Variants in FXYD6 observed in about 807,000 individuals in gnomAD.
The protein encoded by FXYD6 is FXYD domain containing ion transport regulator 6.
Under a neutral mutation model 16.7 loss-of-function variants are expected in FXYD6, and 7 were observed. That is an observed-to-expected ratio of 0.42 (90% confidence interval 0.24 to 0.79). The LOEUF (loss-of-function observed/expected upper bound fraction) is 0.79, where lower values mean the gene tolerates loss of function less well. Among genes scored for constraint, FXYD6 ranks in the 30% least tolerant of loss-of-function variants. FXYD6 has a pLI of 0.28. For missense variants in FXYD6, 111 were observed against 116.2 expected (o/e 0.95, Z 0.21); for synonymous variants, 49 against 43.0 (o/e 1.14, Z -0.54).
chr11:117,846,589 T>C (rs550947258), intron 1 of FXYD6, among the ~76,000 whole-genome samples: 1 of 152,326 alleles, frequency 6.6e-6, no homozygotes, highest in South Asian at 2.1e-4. Context: ...CCCGTAATGA[T>C]AACTTGTACT....
intron 3 of FXYD6, 52 bp from the exon 4 acceptor site, chr11:117,841,917 G>A: frequency 6.2e-7 from 1 of 1,613,882 alleles, no homozygotes; most frequent in African/African-American, 1.3e-5. Context: ...GAGGGTGTCT[G>A]TTCCCCCTAC....
intron 1 of FXYD6, among the ~76,000 whole-genome samples, chr11:117,858,781 T>TTCCTTCCTTCC (rs1457281151): frequency 4.1e-5 from 3 of 73,978 alleles, no homozygotes; most frequent in Non-Finnish European, 3.3e-5. Context: ...TCCTTCCTTC[T>TTCCTTCCTTCC]TTCTTTTCTT....
At chr11:117,843,242 G>C (rs976105536) in intron 1 of FXYD6, among the ~76,000 whole-genome samples, 2 of 152,144 alleles carry the variant, frequency 1.3e-5, no homozygotes, top group Non-Finnish European at 2.9e-5. Flanking sequence ...GACATTTCTT[G>C]GACTCTTAGA....
intron 1 of FXYD6, among the ~76,000 whole-genome samples, chr11:117,849,300 A>T (rs1294932899): frequency 6.6e-6 from 1 of 152,172 alleles, no homozygotes; most frequent in East Asian, 1.9e-4. Context: ...ATATATAGTG[A>T]TTTTTATTTG....
intron 7 of FXYD6, 62 bp from the exon 8 acceptor site, chr11:117,838,339 T>G: frequency 2.9e-6 from 2 of 701,490 alleles, no homozygotes; most frequent in Non-Finnish European, 5.2e-6. Context: ...CTTATCTGCT[T>G]CTCTCCCTTC....
intron 1 of FXYD6, among the ~76,000 whole-genome samples, chr11:117,873,953 A>G (rs779595885): frequency 5.3e-5 from 8 of 152,126 alleles, no homozygotes; most frequent in Non-Finnish European, 7.4e-5. Context: ...CTCTCCCTCC[A>G]TAGGTTTCCA....
chr11:117,859,931 A>C (rs1402424011), intron 1 of FXYD6, among the ~76,000 whole-genome samples: 2 of 152,074 alleles, frequency 1.3e-5, no homozygotes, highest in Admixed American at 6.5e-5. Flanking sequence ...CTTACCGCAC[A>C]GCTGGGGTCA....
intron 1 of FXYD6, among the ~76,000 whole-genome samples, chr11:117,867,423 C>T (rs577162827): frequency 9.9e-5 from 15 of 152,156 alleles, no homozygotes; most frequent in Non-Finnish European, 1.8e-4. Flanking sequence ...ACTTCCTTTC[C>T]GTCACTCCTC....
chr11:117,838,121 C>T lies in FXYD6; in HGVS notation c.*178G>A. On this transcript the variant is annotated 3_prime_UTR_variant, in exon 8 of 8. Coordinates refer to ENST00000526014, the MANE Select transcript of FXYD6 (RefSeq NM_022003.4). The stretch of plus-strand genomic sequence containing the variant: ...GCAGTGGGGAGGCAAGTGTTAGTTG[C>T]ATCATCAGGTGGAGGAATGGTGTTA... The T allele has an allele frequency of 2.9e-6, 2 of 696,880 alleles. No homozygotes were observed. The highest frequency in any genetic ancestry group is 2.7e-5 in the East Asian group (1 of 37,150). 43.2% of individuals were successfully genotyped at this position (696,880 alleles called of 1,614,324 possible).
chr11:117,856,057 G>A (rs1045471955), intron 1 of FXYD6, among the ~76,000 whole-genome samples: 2 of 152,126 alleles, frequency 1.3e-5, no homozygotes, highest in Non-Finnish European at 2.9e-5. Context: ...GTTCTGGGTG[G>A]AAGCAGCACT....
At chr11:117,845,572 A>T (rs1301273507) in intron 1 of FXYD6, among the ~76,000 whole-genome samples, 1 of 152,194 alleles carries the variant, frequency 6.6e-6, no homozygotes, top group African/African-American at 2.4e-5. Context: ...AGTGTGGTGT[A>T]ATATTCCATT....
intron 1 of FXYD6, among the ~76,000 whole-genome samples, chr11:117,858,691 CTTTCTTTCTT>C (rs758650577): frequency 0.061 from 5,382 of 87,866 alleles, 286 homozygotes; most frequent in East Asian, 0.096. Context: ...TTCTTTCTTT[CTTTCTTTCTT>C]TCTCTCTCTC....
At chr11:117,875,102 C>CTGTGTG (rs35917427) in intron 1 of FXYD6, among the ~76,000 whole-genome samples, 5 of 150,514 alleles carry the variant, frequency 3.3e-5, no homozygotes, top group African/African-American at 7.3e-5. Flanking sequence ...TTTAGATGTA[C>CTGTGTG]TGTGTGTGTG....
At chr11:117,839,869 C>T (rs756163858) in intron 6 of FXYD6, 39 bp from the exon 7 acceptor site, 1 of 1,613,858 alleles carries the variant, frequency 6.2e-7, no homozygotes, top group East Asian at 2.2e-5. Flanking sequence ...TGTATAGACT[C>T]CTCACCCCCG....
intron 1 of FXYD6, among the ~76,000 whole-genome samples, chr11:117,871,388 G>A (rs978882637): frequency 6.6e-6 from 1 of 151,544 alleles, no homozygotes; most frequent in Non-Finnish European, 1.5e-5. Context: ...CTTTCTCCAC[G>A]TGTCTGACAC....
chr11:117,842,006 C>A lies in FXYD6; in HGVS notation c.81G>T (p.Met27Ile), dbSNP rs2056358516. 2 of 1,614,210 alleles carry A rather than the reference C, an allele frequency of 1.2e-6. No homozygotes were observed. The highest frequency in any genetic ancestry group is 1.7e-5 in the Admixed American group (1 of 60,020). The part of the protein sequence containing the change: ...LASAAEKEKE[M>I]DPFHYDYQTL... Reference sequence around the variant, plus strand: ...ATCGCTCACCATAATGAAAAGGGTCCATTTCCTTCTCCTTTTCAGCTGCTG... The same window carrying A: ...ATCGCTCACCATAATGAAAAGGGTCAATTTCCTTCTCCTTTTCAGCTGCTG... The change falls in exon 3 of 8, where the codon ATG becomes ATT. Residue 27 changes from methionine to isoleucine, a missense_variant. Physicochemically the swap from Met to Ile is conservative, Grantham distance 10. Transcript: ENST00000526014.
Position 117,837,634 on chromosome 11 carries a change from G to T in FXYD6, c.*665C>A, listed in dbSNP as rs1194371810. The stretch of plus-strand genomic sequence containing the variant: ...AACCACGGAAGGGCATAGCCTGCCT[G>T]ACGTCAACGCTGGGCTCACCAGCTC... On this transcript the variant is annotated 3_prime_UTR_variant, in exon 8 of 8. Transcript: ENST00000526014. This position sits in a 1 kb window ranked among gnomAD's most constrained non-coding sequence, Gnocchi z 4.4. The T allele has an allele frequency of 6.5e-6, 1 of 153,850 alleles. No individual in the cohort carries two copies. The highest frequency in any genetic ancestry group is 2.4e-5 in the African/African-American group (1 of 41,466). The allele number at this position is 153,850 out of a possible 1,614,324, so 9.5% of individuals were successfully genotyped here.
chr11:117,868,054 C>T (rs2057047511), intron 1 of FXYD6, among the ~76,000 whole-genome samples: 1 of 152,152 alleles, frequency 6.6e-6, no homozygotes, highest in Non-Finnish European at 1.5e-5. Flanking sequence ...CTCCAGACTC[C>T]AAGAGCGCCT....
intron 1 of FXYD6, among the ~76,000 whole-genome samples, chr11:117,874,909 T>C (rs1373101516): frequency 6.6e-6 from 1 of 152,224 alleles, no homozygotes; most frequent in East Asian, 1.9e-4. Flanking sequence ...GGCTCCTCTT[T>C]TGAGGGAATC....
Sources: allele counts gnomAD v4.1 joint callset (sites outside exome capture counted in the v4.1 genomes callset), GRCh38; gene constraint gnomAD v4.1.1; non-coding constraint Gnocchi (gnomAD v3.1); transcripts MANE v1.5; gene names NCBI Gene and HGNC (gene_info 2026-07-23, HGNC 2026-07-21).